SERPINE2: variants seen among roughly 807,000 people sequenced by gnomAD.
The protein encoded by SERPINE2 is serpin family E member 2.
SERPINE2 carries 14 observed loss-of-function variants against 36.3 expected under a neutral mutation model. That is an observed-to-expected ratio of 0.39 (90% confidence interval 0.25 to 0.60). SERPINE2 has a LOEUF of 0.60. SERPINE2 is among the 20% of genes least tolerant of loss of function. The pLI, the probability that SERPINE2 is intolerant of heterozygous loss-of-function variation, is 0.57. For missense variants in SERPINE2, 418 were observed against 499.6 expected (o/e 0.84, Z 1.56); for synonymous variants, 192 against 191.8 (o/e 1.00, Z -0.01).
chr2:223,992,100 G>C, intron 3 of SERPINE2, 100 bp from the exon 4 acceptor site: 1 of 972,420 alleles, frequency 1.0e-6, no homozygotes, highest in Non-Finnish European at 1.6e-6. Context: ...AAAAATCAAA[G>C]GATTTTTAAG....
intron 1 of SERPINE2, chr2:224,031,559 CCA>C: frequency 2.1e-6 from 2 of 947,764 alleles, no homozygotes; most frequent in Admixed American, 6.2e-5. Context: ...GGGCATGTGA[CCA>C]CGTGACCTAG....
At chr2:223,994,596 G>C (rs1243268701) in intron 3 of SERPINE2, among the ~76,000 whole-genome samples, 1 of 152,120 alleles carries the variant, frequency 6.6e-6, no homozygotes, top group Non-Finnish European at 1.5e-5. Context: ...GAGAGGTGCA[G>C]GCTGACATAA....
chr2:223,982,590 T>C, intron 6 of SERPINE2, 91 bp downstream of exon 6: 1 of 747,648 alleles, frequency 1.3e-6, no homozygotes, highest in Non-Finnish European at 2.2e-6. Context: ...GGGCAACACA[T>C]TCCTAATTCT....
chr2:224,037,348 TG>T lies in SERPINE2; in HGVS notation c.-23+1750del, dbSNP rs536431071. On this transcript the variant is annotated intron_variant, in intron 1 of 8. Coordinates refer to ENST00000409304, the MANE Select transcript of SERPINE2 (RefSeq NM_001136528.2). ...AGATCGCTTGCATTGAAGATTACAG[TG>T]GGAGTCCGGTTTGCAACCCGGAAGG... 7.2e-3 allele frequency among the ~76,000 whole-genome samples: 1,093 copies of T among 152,178 alleles called. 7 individuals carry two copies. The highest frequency in any genetic ancestry group is 9.6e-3 in the Non-Finnish European group (656 of 67,988).
intron 6 of SERPINE2, 183 bp downstream of exon 6, chr2:223,982,498 A>C: frequency 2.0e-6 from 1 of 494,946 alleles, no homozygotes; most frequent in Non-Finnish European, 3.6e-6. Context: ...AAAGGAAAAA[A>C]TAAATAAATG....
At chr2:224,022,643 T>C (rs1692045146) in intron 1 of SERPINE2, among the ~76,000 whole-genome samples, 1 of 152,200 alleles carries the variant, frequency 6.6e-6, no homozygotes, top group Admixed American at 6.5e-5. Flanking sequence ...AAACCTCTTG[T>C]GCTAACTGAC....
chr2:224,014,614 T>C (rs564030937), intron 1 of SERPINE2, among the ~76,000 whole-genome samples: 1 of 152,144 alleles, frequency 6.6e-6, no homozygotes, highest in Non-Finnish European at 1.5e-5. Context: ...ACTACTGACA[T>C]AACTCTTCAG....
At chr2:224,016,487 CAA>C (rs1691803557) in intron 1 of SERPINE2, among the ~76,000 whole-genome samples, 1 of 138,846 alleles carries the variant, frequency 7.2e-6, no homozygotes. Flanking sequence ...GCCTGGGCGA[CAA>C]GAGCGAAAGT....
At chr2:224,032,150 A>T (rs1559223430) in intron 1 of SERPINE2, among the ~76,000 whole-genome samples, 1 of 152,250 alleles carries the variant, frequency 6.6e-6, no homozygotes, top group Non-Finnish European at 1.5e-5. Context: ...TTTCTTATTT[A>T]AAAACTGCAG....
chr2:224,035,676 G>C (rs1278776646), intron 1 of SERPINE2, among the ~76,000 whole-genome samples: 1 of 152,094 alleles, frequency 6.6e-6, no homozygotes, highest in East Asian at 1.9e-4. Context: ...GCCTCATCCA[G>C]GTCTTCTGGC....
intron 1 of SERPINE2, among the ~76,000 whole-genome samples, chr2:224,004,295 A>G (rs149938892): frequency 3.9e-5 from 6 of 152,298 alleles, no homozygotes; most frequent in African/African-American, 1.4e-4. Context: ...CCCCACTGTG[A>G]ACCACTGAGG....
At chr2:224,022,236 G>A (rs542840100) in intron 1 of SERPINE2, among the ~76,000 whole-genome samples, 3 of 150,920 alleles carry the variant, frequency 2.0e-5, no homozygotes, top group Admixed American at 6.6e-5. Flanking sequence ...TGAGGCTGAG[G>A]TGGGAGAATC....
chr2:223,981,049 A>T (rs1175782506), intron 6 of SERPINE2: 1 of 152,278 alleles, frequency 6.6e-6, no homozygotes, highest in Non-Finnish European at 1.5e-5. Flanking sequence ...TTCCAGCAAC[A>T]CCCACTGGGT....
At chr2:223,992,079 C>G (rs1000268290) in intron 3 of SERPINE2, 79 bp from the exon 4 acceptor site, 2 of 1,194,334 alleles carry the variant, frequency 1.7e-6, no homozygotes, top group Non-Finnish European at 2.4e-6. Context: ...CAGCTGTCAT[C>G]AGGTAGACTG....
At chr2:223,990,166 A>AC (rs1690605751) in intron 4 of SERPINE2, among the ~76,000 whole-genome samples, 1 of 152,076 alleles carries the variant, frequency 6.6e-6, no homozygotes, top group Non-Finnish European at 1.5e-5. Flanking sequence ...CCAGCAGCAA[A>AC]CCCAGCAAGA....
At chr2:224,005,806 C>T (rs1174053859) in intron 1 of SERPINE2, among the ~76,000 whole-genome samples, 1 of 152,162 alleles carries the variant, frequency 6.6e-6, no homozygotes, top group African/African-American at 2.4e-5. Flanking sequence ...GGAAGATTAT[C>T]ATTTGCTTGA....
chr2:223,976,677 TATAC>T (rs1690023262), intron 8 of SERPINE2, among the ~76,000 whole-genome samples: 2 of 152,236 alleles, frequency 1.3e-5, no homozygotes, highest in Non-Finnish European at 2.9e-5. Context: ...AAGATGAACT[TATAC>T]TTCATAATTG....
chr2:224,020,689 G>T (rs1178804530), intron 1 of SERPINE2, among the ~76,000 whole-genome samples: 6 of 152,186 alleles, frequency 3.9e-5, no homozygotes, highest in Non-Finnish European at 7.3e-5. Context: ...ATAGTCAATT[G>T]TGTTCTCTGA....
At chr2:224,032,544 C>A (rs1286265642) in intron 1 of SERPINE2, among the ~76,000 whole-genome samples, 2 of 152,192 alleles carry the variant, frequency 1.3e-5, no homozygotes, top group Non-Finnish European at 2.9e-5. Context: ...CCAAGATTTG[C>A]AGCCGTAACA....
Sources: allele counts gnomAD v4.1 joint callset (sites outside exome capture counted in the v4.1 genomes callset), GRCh38; gene constraint gnomAD v4.1.1; transcripts MANE v1.5; gene names NCBI Gene and HGNC (gene_info 2026-07-23, HGNC 2026-07-21).